Variants in ELOVL6 observed in about 807,000 individuals in gnomAD.
The protein encoded by ELOVL6 is very long chain fatty acid elongase 6.
In ELOVL6, 8 loss-of-function variants were observed where a neutral mutation model predicts 31.7. The ratio of observed to expected loss-of-function variants is 0.25; its 90% CI spans 0.15 to 0.45. ELOVL6 has a LOEUF of 0.45. Ranked by LOEUF, ELOVL6 falls within the 20% of genes least tolerant of loss-of-function variation. ELOVL6 has a pLI of 1.00. For synonymous variants in ELOVL6, 101 were observed against 117.7 expected, an observed-to-expected ratio of 0.86 and a Z score of 0.92; for missense variants, 126 against 326.4, an observed-to-expected ratio of 0.39 and a Z score of 4.73.
chr4:110,085,305 C>T (rs1379313984), intron 2 of ELOVL6, among the ~76,000 whole-genome samples: 1 of 152,210 alleles, frequency 6.6e-6, no homozygotes, highest in Non-Finnish European at 1.5e-5. Context: ...TGAGGCCAAA[C>T]AGGAAGCCAA....
chr4:110,174,640 A>G (rs1759047030), intron 1 of ELOVL6, among the ~76,000 whole-genome samples: 1 of 152,200 alleles, frequency 6.6e-6, no homozygotes, highest in African/African-American at 2.4e-5. Flanking sequence ...TGACATTCCT[A>G]TAATGTCAAC....
chr4:110,181,475 T>C (rs940324522), intron 1 of ELOVL6, among the ~76,000 whole-genome samples: 8 of 151,978 alleles, frequency 5.3e-5, no homozygotes, highest in Admixed American at 1.3e-4. Context: ...AAGTTAAAAC[T>C]GTATATGATT....
intron 1 of ELOVL6, among the ~76,000 whole-genome samples, chr4:110,141,872 T>TATATATATAC (rs1757973050): frequency 6.9e-6 from 1 of 144,002 alleles, no homozygotes; most frequent in Non-Finnish European, 1.5e-5. Flanking sequence ...TATATATATA[T>TATATATATAC]ATACTAATAC....
At chr4:110,145,153 G>C (rs967142634) in intron 1 of ELOVL6, among the ~76,000 whole-genome samples, 1 of 151,872 alleles carries the variant, frequency 6.6e-6, no homozygotes, top group Non-Finnish European at 1.5e-5. Flanking sequence ...GAGAGAGAGA[G>C]AGAGTGAGAA....
chr4:110,185,719 A>G (rs1411562249), intron 1 of ELOVL6, among the ~76,000 whole-genome samples: 1 of 152,208 alleles, frequency 6.6e-6, no homozygotes, highest in Non-Finnish European at 1.5e-5. Context: ...GGATGACAGG[A>G]GGACTGATGG....
chr4:110,103,858 T>C (rs72679214), intron 2 of ELOVL6, among the ~76,000 whole-genome samples: 11,203 of 152,248 alleles, frequency 0.074, 617 homozygotes, highest in East Asian at 0.18. Context: ...CTGAAGAAAT[T>C]TGAAATTTAA....
chr4:110,051,311 G>T lies in ELOVL6; in HGVS notation c.*27C>A. On this transcript the variant is annotated 3_prime_UTR_variant, in exon 4 of 4. Coordinates refer to ENST00000302274, the MANE Select transcript of ELOVL6 (RefSeq NM_024090.3). This position sits in a 1 kb window ranked among gnomAD's most constrained non-coding sequence, Gnocchi z 4.8. ...CTATTATTTTTCTTGATGACCCTGA[G>T]CTATGGCTTCCTCCTCAGTTCCAAC... 1 of 1,605,386 alleles carries T rather than the reference G, an allele frequency of 6.2e-7. No homozygotes were observed. The highest frequency in any genetic ancestry group is 8.5e-7 in the Non-Finnish European group (1 of 1,174,528).
At chr4:110,146,210 G>A (rs1480132959) in intron 1 of ELOVL6, among the ~76,000 whole-genome samples, 3 of 152,012 alleles carry the variant, frequency 2.0e-5, no homozygotes, top group Non-Finnish European at 1.5e-5. Context: ...ACTGATTTTT[G>A]GCAAAGTCAA....
At chr4:110,134,151 C>T (rs1257846961) in intron 1 of ELOVL6, among the ~76,000 whole-genome samples, 1 of 152,124 alleles carries the variant, frequency 6.6e-6, no homozygotes, top group Admixed American at 6.6e-5. Flanking sequence ...TAAAACAAAG[C>T]AAATGGCCCA....
At chr4:110,198,703 G>A (rs549423609), upstream of ELOVL6, 5 of 195,660 alleles carry the variant, frequency 2.6e-5, no homozygotes, top group Non-Finnish European at 5.3e-5. Context: ...CCCTTGGCGA[G>A]GGAGTGTGCG....
chr4:110,143,267 C>CT (rs544867170), intron 1 of ELOVL6, among the ~76,000 whole-genome samples: 368 of 148,272 alleles, frequency 2.5e-3, no homozygotes, highest in South Asian at 2.8e-3. Context: ...GACTGTAGTG[C>CT]TTTTTTTTTT....
At chr4:110,166,409 G>A (rs1432810193) in intron 1 of ELOVL6, among the ~76,000 whole-genome samples, 1 of 152,024 alleles carries the variant, frequency 6.6e-6, no homozygotes, top group African/African-American at 2.4e-5. Flanking sequence ...TCAAGAGATC[G>A]AGACCATCCC....
intron 2 of ELOVL6, among the ~76,000 whole-genome samples, chr4:110,067,987 TCA>T (rs1755354995): frequency 6.6e-6 from 1 of 152,324 alleles, no homozygotes; most frequent in South Asian, 2.1e-4. Context: ...TTAACGCCTT[TCA>T]CAGAGCTCTC....
chr4:110,174,110 T>C (rs1251091233), intron 1 of ELOVL6, among the ~76,000 whole-genome samples: 1 of 152,052 alleles, frequency 6.6e-6, no homozygotes, highest in Admixed American at 6.6e-5. Flanking sequence ...TTAAAAACTT[T>C]TTTTAAAAAG....
At chr4:110,090,213 T>A (rs1325298000) in intron 2 of ELOVL6, among the ~76,000 whole-genome samples, 2 of 152,172 alleles carry the variant, frequency 1.3e-5, no homozygotes, top group African/African-American at 4.8e-5. Context: ...TAATTCCTCA[T>A]AAAACAGCTA....
intron 2 of ELOVL6, among the ~76,000 whole-genome samples, chr4:110,086,100 C>A (rs1406496866): frequency 1.3e-5 from 2 of 152,196 alleles, no homozygotes; most frequent in African/African-American, 4.8e-5. Flanking sequence ...GTGTTTCCCT[C>A]CCTCAGATGC....
chr4:110,176,413 G>A (rs1380534743), intron 1 of ELOVL6, among the ~76,000 whole-genome samples: 1 of 152,070 alleles, frequency 6.6e-6, no homozygotes, highest in Non-Finnish European at 1.5e-5. Context: ...GCCCACCTTG[G>A]CCTCCCAAAG....
intron 2 of ELOVL6, among the ~76,000 whole-genome samples, chr4:110,070,130 C>G (rs1755426998): frequency 1.3e-5 from 2 of 152,282 alleles, no homozygotes; most frequent in South Asian, 4.1e-4. Flanking sequence ...CTTCTTCACT[C>G]AACTATGGAA....
chr4:110,141,520 A>T (rs1757955864), intron 1 of ELOVL6, among the ~76,000 whole-genome samples: 1 of 151,922 alleles, frequency 6.6e-6, no homozygotes, highest in African/African-American at 2.4e-5. Flanking sequence ...AGGGACCAGG[A>T]GGGTGGAAGA....
Sources: allele counts gnomAD v4.1 joint callset (sites outside exome capture counted in the v4.1 genomes callset), GRCh38; gene constraint gnomAD v4.1.1; non-coding constraint Gnocchi (gnomAD v3.1); transcripts MANE v1.5; gene names NCBI Gene and HGNC (gene_info 2026-07-23, HGNC 2026-07-21).